Variants in DSCAM observed in about 807,000 individuals in gnomAD.
The protein encoded by DSCAM is DS cell adhesion molecule, also known as cell adhesion molecule DSCAM.
In DSCAM, 47 loss-of-function variants were observed where a neutral mutation model predicts 217.7. The observed-to-expected ratio is 0.22, with a 90% CI of 0.17 to 0.28. The LOEUF is 0.28. DSCAM is among the 10% of genes least tolerant of loss of function. DSCAM has a pLI of 1.00. For missense variants in DSCAM, 2,080 were observed against 2,618.3 expected (o/e 0.79, Z 4.49); for synonymous variants, 1,056 against 1,015.3 (o/e 1.04, Z -0.76).
At chr21:40,264,650 A>T (rs746649254) in intron 11 of DSCAM, among the ~76,000 whole-genome samples, 1 of 152,176 alleles carries the variant, frequency 6.6e-6, no homozygotes, top group Non-Finnish European at 1.5e-5. Context: ...AAGCAAGACA[A>T]CGATGCCCAC....
intron 3 of DSCAM, among the ~76,000 whole-genome samples, chr21:40,545,720 C>T (rs1163965722): frequency 1.3e-5 from 2 of 152,146 alleles, no homozygotes; most frequent in Non-Finnish European, 2.9e-5. Flanking sequence ...TGAGCTGGCA[C>T]CAGCAATGGT....
intron 1 of DSCAM, among the ~76,000 whole-genome samples, chr21:40,827,199 T>C (rs1214144853): frequency 6.6e-6 from 1 of 152,110 alleles, no homozygotes; most frequent in Admixed American, 6.5e-5. Context: ...TGTGATCTGT[T>C]GTGTCACAGC....
intron 3 of DSCAM, among the ~76,000 whole-genome samples, chr21:40,654,563 G>A (rs2090052384): frequency 6.6e-6 from 1 of 152,186 alleles, no homozygotes; most frequent in African/African-American, 2.4e-5. Flanking sequence ...TAAAATCAAG[G>A]TGTTGGCAGG....
chr21:40,440,158 C>T (rs985029169), intron 3 of DSCAM, among the ~76,000 whole-genome samples: 1 of 152,226 alleles, frequency 6.6e-6, no homozygotes, highest in African/African-American at 2.4e-5. Context: ...GATCAGCATC[C>T]ATGATGCTAG....
At chr21:40,818,464 T>C (rs556312161) in intron 1 of DSCAM, among the ~76,000 whole-genome samples, 1 of 139,130 alleles carries the variant, frequency 7.2e-6, no homozygotes, top group East Asian at 2.3e-4. Context: ...GAGAATGGCC[T>C]GAACCCGGGA....
intron 15 of DSCAM, 143 bp from the exon 16 acceptor site, chr21:40,167,431 T>A (rs1345275436): frequency 1.9e-5 from 13 of 669,564 alleles, no homozygotes; most frequent in Non-Finnish European, 1.0e-5. Flanking sequence ...ATGGGAAATG[T>A]CAATTTTGTA....
intron 11 of DSCAM, among the ~76,000 whole-genome samples, chr21:40,251,854 T>G (rs1318915239): frequency 2.6e-5 from 4 of 152,034 alleles, no homozygotes; most frequent in Non-Finnish European, 5.9e-5. Context: ...CTTTTCTTTC[T>G]TTTTTTTAAA....
chr21:40,527,988 C>T (rs117981015), intron 3 of DSCAM, among the ~76,000 whole-genome samples: 104 of 152,294 alleles, frequency 6.8e-4, no homozygotes, highest in Non-Finnish European at 1.4e-3. Flanking sequence ...TGGCTGCCAT[C>T]CATCATCTCT....
intron 3 of DSCAM, among the ~76,000 whole-genome samples, chr21:40,663,481 C>T (rs2090165443): frequency 6.6e-6 from 1 of 152,164 alleles, no homozygotes; most frequent in Non-Finnish European, 1.5e-5. Flanking sequence ...TAGACTTTGT[C>T]TCTGGGCATC....
intron 1 of DSCAM, among the ~76,000 whole-genome samples, chr21:40,781,346 T>C (rs1170574630): frequency 1.3e-5 from 2 of 152,080 alleles, no homozygotes; most frequent in Non-Finnish European, 2.9e-5. Flanking sequence ...AATTTTATCA[T>C]GTGTTTACTT....
chr21:40,478,830 A>C (rs183200025), intron 3 of DSCAM, among the ~76,000 whole-genome samples: 4 of 152,204 alleles, frequency 2.6e-5, no homozygotes, highest in Non-Finnish European at 4.4e-5. Context: ...TTTTCTATAC[A>C]TCCACACCTG....
chr21:40,454,100 C>T (rs188433237), intron 3 of DSCAM, among the ~76,000 whole-genome samples: 5 of 152,312 alleles, frequency 3.3e-5, no homozygotes, highest in Non-Finnish European at 1.5e-5. Flanking sequence ...GCCAATTAGA[C>T]AGTCTGTCAC....
chr21:40,799,531 A>G (rs1232080602), intron 1 of DSCAM, among the ~76,000 whole-genome samples: 1 of 152,220 alleles, frequency 6.6e-6, no homozygotes, highest in Non-Finnish European at 1.5e-5. Flanking sequence ...TCCAAGTTCA[A>G]TTTCACAGAA....
intron 6 of DSCAM, among the ~76,000 whole-genome samples, chr21:40,343,242 T>C (rs1232992979): frequency 6.6e-6 from 1 of 152,300 alleles, no homozygotes; most frequent in East Asian, 1.9e-4. Context: ...TGCCTGTAAT[T>C]AAGACAGCTG....
chr21:40,818,547 CAAAAAAAAAAAAAAAAAAAA>C (rs60730859), intron 1 of DSCAM, among the ~76,000 whole-genome samples: 28 of 41,854 alleles, frequency 6.7e-4, no homozygotes, highest in Admixed American at 3.4e-3. Flanking sequence ...CTCCGTCTCA[CAAAAAAAAAAAAAAAAAAAA>C]AAAAAAAAAA....
intron 10 of DSCAM, among the ~76,000 whole-genome samples, chr21:40,291,809 C>T (rs1320130022): frequency 6.6e-6 from 1 of 152,214 alleles, no homozygotes; most frequent in Non-Finnish European, 1.5e-5. Context: ...GACATTCCCA[C>T]AACCAAGTTT....
chr21:40,334,789 G>C (rs901264091), intron 8 of DSCAM, among the ~76,000 whole-genome samples: 1 of 152,016 alleles, frequency 6.6e-6, no homozygotes. Context: ...CTGGGACTAC[G>C]GGCTCGTCCC....
intron 20 of DSCAM, among the ~76,000 whole-genome samples, chr21:40,114,812 A>G (rs1051859022): frequency 6.6e-6 from 1 of 152,256 alleles, no homozygotes; most frequent in African/African-American, 2.4e-5. Context: ...CACATGACAA[A>G]ATGCTCATCA....
chr21:40,736,542 C>T (rs561659559), intron 1 of DSCAM, among the ~76,000 whole-genome samples: 2 of 152,282 alleles, frequency 1.3e-5, no homozygotes, highest in African/African-American at 4.8e-5. Flanking sequence ...CTGAGGCTTC[C>T]CCAATTGTGA....
Sources: gnomAD v4.1 joint callset for allele counts (sites outside exome capture counted in the v4.1 genomes callset) on GRCh38, gnomAD v4.1.1 for gene constraint, MANE v1.5 for transcripts, NCBI Gene and HGNC (gene_info 2026-07-23, HGNC 2026-07-21) for gene names.